ASCC3: variants seen among roughly 807,000 people sequenced by gnomAD.
ASCC3 encodes the protein ASC-1 complex subunit P200.
ASCC3 carries 158 observed loss-of-function variants against 256.3 expected under a neutral mutation model. The ratio of observed to expected loss-of-function variants is 0.62; its 90% CI spans 0.54 to 0.70. The LOEUF is 0.70. ASCC3 is among the 30% of genes least tolerant of loss of function. The pLI is 0.00. For synonymous variants in ASCC3, 948 were observed against 883.4 expected, an observed-to-expected ratio of 1.07 and a Z score of -1.30; for missense variants, 2,259 against 2,626.0, an observed-to-expected ratio of 0.86 and a Z score of 3.05.
Position 100,781,233 on chromosome 6 carries a change from ATTAT to A in ASCC3, c.1396-13892_1396-13889del, listed in dbSNP as rs374597212. On this transcript the variant is annotated intron_variant, in intron 8 of 41. Coordinates refer to ENST00000369162, the MANE Select transcript of ASCC3 (RefSeq NM_006828.4). ...GTTAAGAATAAATTGTTCTACTCAC[ATTAT>A]TTATTAAGTTCCACAAGTGTTTTTT... 4.5e-4 allele frequency among the ~76,000 whole-genome samples: 69 copies of A among 152,322 alleles called. No homozygotes were observed. The East Asian group carries it at 0.011, about 25-fold the overall frequency.
At chr6:100,575,525 T>C (rs141179704) in intron 36 of ASCC3, among the ~76,000 whole-genome samples, 1 of 152,176 alleles carries the variant, frequency 6.6e-6, no homozygotes, top group East Asian at 1.9e-4. Context: ...TATTGACACA[T>C]AAAAATTCTA....
intron 3 of ASCC3, among the ~76,000 whole-genome samples, chr6:100,848,946 A>G (rs1196155053): frequency 1.3e-5 from 2 of 152,238 alleles, no homozygotes; most frequent in African/African-American, 4.8e-5. Context: ...CTCTACAAAA[A>G]TTTTTAAAAA....
At chr6:100,828,504 C>G (rs1235172981) in intron 4 of ASCC3, among the ~76,000 whole-genome samples, 1 of 152,112 alleles carries the variant, frequency 6.6e-6, no homozygotes, top group Non-Finnish European at 1.5e-5. Flanking sequence ...CGGACCCTCG[C>G]AGTGAGTGTT....
chr6:100,636,055 C>G (rs548621371), intron 25 of ASCC3, among the ~76,000 whole-genome samples: 4 of 152,136 alleles, frequency 2.6e-5, no homozygotes, highest in Non-Finnish European at 5.9e-5. Context: ...TGGAGGACTA[C>G]AAAGTTTAAG....
intron 17 of ASCC3, 66 bp from the exon 18 acceptor site, chr6:100,652,955 T>A: frequency 6.9e-7 from 1 of 1,454,686 alleles, no homozygotes; most frequent in Non-Finnish European, 9.6e-7. Context: ...AAACATATAT[T>A]TATTTATGGA....
chr6:100,794,443 T>G (rs1769506091), intron 8 of ASCC3, among the ~76,000 whole-genome samples: 1 of 152,042 alleles, frequency 6.6e-6, no homozygotes, highest in Non-Finnish European at 1.5e-5. Flanking sequence ...CTGGCAAAAG[T>G]GTATGCTTTC....
chr6:100,591,026 T>G (rs1255807738), intron 34 of ASCC3, among the ~76,000 whole-genome samples: 4 of 152,088 alleles, frequency 2.6e-5, no homozygotes, highest in Non-Finnish European at 2.9e-5. Context: ...GGAAAATTAC[T>G]TCCATTAAAA....
intron 17 of ASCC3, 120 bp downstream of exon 17, chr6:100,655,578 GT>G: frequency 8.7e-7 from 1 of 1,148,374 alleles, no homozygotes; most frequent in Non-Finnish European, 1.2e-6. Context: ...TAAATCTCTT[GT>G]TTTTCTTCTA....
rs1772293997 is a variant in ASCC3 at position 100,844,403 on chromosome 6, T to TA, written c.801+3744dup. On this transcript the variant is annotated intron_variant, in intron 4 of 41. Coordinates refer to ENST00000369162, the MANE Select transcript of ASCC3 (RefSeq NM_006828.4). ...CTGGTAGCTTTACTGTTGTTAATAC[T>TA]ACTACTTTCTAGGGGAAAATTTTCT... 1.3e-5 allele frequency among the ~76,000 whole-genome samples: 2 copies of TA among 151,844 alleles called. 1 individual carries two copies. The highest frequency in any genetic ancestry group is 4.2e-4 in the South Asian group (2 of 4,818).
intron 13 of ASCC3, among the ~76,000 whole-genome samples, chr6:100,699,396 GC>G (rs1422451543): frequency 6.6e-6 from 1 of 152,042 alleles, no homozygotes; most frequent in Non-Finnish European, 1.5e-5. Flanking sequence ...GCTTCTCCTT[GC>G]CTTCTGCCAT....
intron 30 of ASCC3, 103 bp downstream of exon 30, chr6:100,625,089 T>C: frequency 1.4e-6 from 2 of 1,390,742 alleles, no homozygotes; most frequent in Non-Finnish European, 2.0e-6. Context: ...GGCGGTATTA[T>C]GAATTTCTTC....
chr6:100,781,677 C>T (rs147203639), intron 8 of ASCC3, among the ~76,000 whole-genome samples: 1,861 of 151,784 alleles, frequency 0.012, 36 homozygotes, highest in African/African-American at 0.042. Context: ...TGTGAGCCAC[C>T]GCGCCCGGCC....
At chr6:100,763,353 A>G (rs1781500540) in intron 10 of ASCC3, among the ~76,000 whole-genome samples, 1 of 152,234 alleles carries the variant, frequency 6.6e-6, no homozygotes, top group African/African-American at 2.4e-5. Context: ...CTGCCCTTAC[A>G]CAGTCAAAAA....
chr6:100,554,382 C>T (rs1188250972), intron 36 of ASCC3, among the ~76,000 whole-genome samples: 1 of 152,118 alleles, frequency 6.6e-6, no homozygotes, highest in Non-Finnish European at 1.5e-5. Flanking sequence ...AAACATTACG[C>T]AACAGTAAAC....
chr6:100,788,603 G>C (rs919044043), intron 8 of ASCC3, among the ~76,000 whole-genome samples: 23 of 151,316 alleles, frequency 1.5e-4, no homozygotes, highest in African/African-American at 5.6e-4. Flanking sequence ...GATACAAAAT[G>C]TAATACGTTT....
chr6:100,854,404 GGAAA>G (rs1434354956), intron 3 of ASCC3, among the ~76,000 whole-genome samples: 1 of 151,810 alleles, frequency 6.6e-6, no homozygotes, highest in East Asian at 1.9e-4. Context: ...CATTAAACAG[GGAAA>G]GTATTCAAGA....
intron 13 of ASCC3, among the ~76,000 whole-genome samples, chr6:100,681,343 T>C (rs1214450245): frequency 6.6e-6 from 1 of 152,112 alleles, no homozygotes; most frequent in East Asian, 1.9e-4. Flanking sequence ...GCTAATTAGT[T>C]ACCAAGGGCA....
intron 4 of ASCC3, among the ~76,000 whole-genome samples, chr6:100,823,768 C>T (rs1477426169): frequency 6.6e-6 from 1 of 152,174 alleles, no homozygotes; most frequent in African/African-American, 2.4e-5. Flanking sequence ...AACAGCATTA[C>T]TTCCTTTTTT....
At chr6:100,610,014 G>C (rs905736533) in intron 30 of ASCC3, among the ~76,000 whole-genome samples, 2 of 152,088 alleles carry the variant, frequency 1.3e-5, no homozygotes, top group African/African-American at 4.8e-5. Flanking sequence ...AGTTCTTTCC[G>C]GGAAACTCCA....
Sources: allele counts gnomAD v4.1 joint callset (sites outside exome capture counted in the v4.1 genomes callset), GRCh38; gene constraint gnomAD v4.1.1; transcripts MANE v1.5; gene names NCBI Gene and HGNC (gene_info 2026-07-23, HGNC 2026-07-21).